The following PPP2R2C variants were observed in gnomAD, a reference collection of about 807,000 sequenced individuals.
PPP2R2C encodes the protein protein phosphatase 2 regulatory subunit Bgamma.
A neutral mutation model predicts 45.3 loss-of-function variants in PPP2R2C; 10 were observed. The ratio of observed to expected loss-of-function variants is 0.22; its 90% CI spans 0.14 to 0.37. PPP2R2C has a LOEUF of 0.37. PPP2R2C is among the 10% of genes least tolerant of loss of function. The pLI, the probability that PPP2R2C is intolerant of heterozygous loss-of-function variation, is 1.00. For missense variants in PPP2R2C, 308 were observed against 619.7 expected, an observed-to-expected ratio of 0.50 and a Z score of 5.34; for synonymous variants, 257 against 245.4, an observed-to-expected ratio of 1.05 and a Z score of -0.44.
At chr4:6,446,499 C>T (rs115697805) in intron 1 of PPP2R2C, among the ~76,000 whole-genome samples, 101 of 152,248 alleles carry the variant, frequency 6.6e-4, no homozygotes, top group African/African-American at 2.3e-3. Context: ...ATCTGTACAA[C>T]GGAGATGAAT....
chr4:6,365,460 G>A (rs976057578), intron 5 of PPP2R2C, among the ~76,000 whole-genome samples: 7 of 152,130 alleles, frequency 4.6e-5, no homozygotes, highest in East Asian at 1.9e-4. Context: ...CATACTCATC[G>A]GCCATTCCAC....
intron 1 of PPP2R2C, among the ~76,000 whole-genome samples, chr4:6,424,268 G>T (rs1034148189): frequency 6.6e-6 from 1 of 152,242 alleles, no homozygotes. Context: ...CTCATCAAAA[G>T]ATGAACTGGA....
intron 2 of PPP2R2C, among the ~76,000 whole-genome samples, chr4:6,480,322 A>C (rs1422644210): frequency 6.6e-6 from 1 of 152,198 alleles, no homozygotes; most frequent in Admixed American, 6.5e-5. Flanking sequence ...GGCAGAAAAC[A>C]ATCAATGGTG....
intron 2 of PPP2R2C, among the ~76,000 whole-genome samples, chr4:6,486,936 C>T (rs146850279): frequency 2.0e-5 from 3 of 152,006 alleles, no homozygotes; most frequent in African/African-American, 7.2e-5. Context: ...CCTTTTCTGT[C>T]TTCTTTGGGA....
chr4:6,330,974 C>T lies in PPP2R2C; in HGVS notation c.961-1621G>A, dbSNP rs148401463. Reference sequence around the variant, plus strand: ...TGTGTTCCTGTCTGTCTGGGACCCTCGAGGGTGAGGCCGAGGTTCTTCCTT... The same window carrying T: ...TGTGTTCCTGTCTGTCTGGGACCCTTGAGGGTGAGGCCGAGGTTCTTCCTT... On this transcript the variant is annotated intron_variant, in intron 7 of 8. Transcript: ENST00000382599. This position sits in a 1 kb window ranked among gnomAD's most constrained non-coding sequence, Gnocchi z 7.0. 3.9e-5 allele frequency among the ~76,000 whole-genome samples: 6 copies of T among 152,240 alleles called. No individual in the cohort carries two copies. In the East Asian group the frequency reaches 9.7e-4, roughly 25 times the overall value.
In PPP2R2C at chr4:6,322,014, A is replaced by G. The variant is rs7696558; in HGVS notation, c.*1288T>C. On this transcript the variant is annotated 3_prime_UTR_variant, in exon 9 of 9. Transcript: ENST00000382599. The surrounding 1 kb of genome is among the most constrained non-coding windows in gnomAD (Gnocchi z 7.8). ...ATGAAGTGGAGTCCTGGGGAGGGCC[A>G]CACTCCTGAAGCCACCAAGCAGAGC... 92,420 of 151,856 alleles carry G rather than the reference A, an allele frequency of 0.61. 28,575 individuals carry two copies. Among genetic ancestry groups the G allele is most frequent in the East Asian group, 0.91 (4,668 of 5,142 alleles). 9.4% of individuals were successfully genotyped at this position (151,856 alleles called of 1,614,324 possible). A position where few individuals can be genotyped will look rare whatever the true frequency, so the allele number is the denominator to read the frequency against.
Position 6,378,869 on chromosome 4 carries a change from G to T in PPP2R2C, c.169-297C>A, listed in dbSNP as rs1715563632. Among the ~76,000 whole-genome samples, 1 of 151,552 alleles carries T rather than the reference G, an allele frequency of 6.6e-6. No individual in the cohort carries two copies. The highest frequency in any genetic ancestry group is 2.1e-4 in the South Asian group (1 of 4,800). ...CTGGACACCCCACTAAGTCCTCCCC[G>T]CACCATCGCATTCTACCCTCCAGGC... On this transcript the variant is annotated intron_variant, in intron 2 of 8. Coordinates refer to ENST00000382599, the MANE Select transcript of PPP2R2C (RefSeq NM_020416.4). The surrounding 1 kb of genome is among the most constrained non-coding windows in gnomAD (Gnocchi z 5.2).
intron 2 of PPP2R2C, among the ~76,000 whole-genome samples, chr4:6,512,547 GGTGGTGA>G (rs1723680406): frequency 1.4e-5 from 2 of 138,760 alleles, no homozygotes; most frequent in Admixed American, 7.3e-5. Flanking sequence ...TGGTGGTGAT[GGTGGTGA>G]TGGTGGTGGT....
chr4:6,405,839 G>C (rs564539000), intron 1 of PPP2R2C, among the ~76,000 whole-genome samples: 54 of 152,296 alleles, frequency 3.5e-4, no homozygotes, highest in African/African-American at 1.3e-3. Flanking sequence ...ACGGCTTCGC[G>C]GAGGGGCAGG....
chr4:6,404,129 G>C (rs944568653), intron 1 of PPP2R2C, among the ~76,000 whole-genome samples: 2 of 152,146 alleles, frequency 1.3e-5, no homozygotes, highest in East Asian at 1.9e-4. Context: ...GGGGACTCCT[G>C]GGGACTGCCT....
intron 1 of PPP2R2C, among the ~76,000 whole-genome samples, chr4:6,549,181 C>T (rs1269726617): frequency 1.3e-5 from 2 of 152,218 alleles, no homozygotes; most frequent in Non-Finnish European, 2.9e-5. Flanking sequence ...CTGGTTCTCA[C>T]TTTGCCCCCC....
intron 4 of PPP2R2C, among the ~76,000 whole-genome samples, chr4:6,374,881 G>GGGTGAAATC (rs1022108956): frequency 6.6e-6 from 1 of 152,222 alleles, no homozygotes; most frequent in African/African-American, 2.4e-5. Flanking sequence ...GGCGTGGCGT[G>GGGTGAAATC]GGTGAAATCG....
intron 1 of PPP2R2C, among the ~76,000 whole-genome samples, chr4:6,537,083 G>A (rs917494281): frequency 1.1e-4 from 17 of 152,080 alleles, no homozygotes; most frequent in African/African-American, 2.9e-4. Context: ...GGCACCTGTA[G>A]TCCCAGCTAC....
At chr4:6,413,261 GCACA>G (rs36106442) in intron 1 of PPP2R2C, among the ~76,000 whole-genome samples, 38,551 of 151,838 alleles carry the variant, frequency 0.25, 5,526 homozygotes, top group East Asian at 0.6. Flanking sequence ...TCATGTACTC[GCACA>G]CACATTGTCA....
intron 1 of PPP2R2C, among the ~76,000 whole-genome samples, chr4:6,414,397 G>T (rs1196797701): frequency 6.6e-6 from 1 of 152,118 alleles, no homozygotes; most frequent in African/African-American, 2.4e-5. Context: ...TTTCCCATTT[G>T]CAGGTGGCTC....
rs1714059167 is a variant in PPP2R2C, at chr4:6,364,133, G to T, written c.625+8390C>A. ...ACGAGGTAGAGGCCAAGCCTCTAGG[G>T]AAGGGGCTCGAGGGAGTCATGGAGG... On this transcript the variant is annotated intron_variant, in intron 5 of 8. Coordinates refer to ENST00000382599, the MANE Select transcript of PPP2R2C (RefSeq NM_020416.4). This position sits in a 1 kb window ranked among gnomAD's most constrained non-coding sequence, Gnocchi z 5.3. Among the ~76,000 whole-genome samples the T allele has an allele frequency of 6.6e-6, 1 of 152,206 alleles. No individual in the cohort carries two copies. The highest frequency in any genetic ancestry group is 2.4e-5 in the African/African-American group (1 of 41,448).
intron 2 of PPP2R2C, among the ~76,000 whole-genome samples, chr4:6,521,264 C>G (rs576764890): frequency 6.6e-6 from 1 of 152,318 alleles, no homozygotes; most frequent in South Asian, 2.1e-4. Context: ...GCTTTTGGGG[C>G]TTTATCCTGC....
At chr4:6,528,523 G>GTCTGTGT (rs552593567) in intron 2 of PPP2R2C, among the ~76,000 whole-genome samples, 56,593 of 152,006 alleles carry the variant, frequency 0.37, 11,322 homozygotes, top group African/African-American at 0.52. Context: ...TGACCCTGGC[G>GTCTGTGT]TCTGAGAGCC....
At chr4:6,375,228 C>G (rs191165970) in intron 4 of PPP2R2C, among the ~76,000 whole-genome samples, 24 of 152,304 alleles carry the variant, frequency 1.6e-4, no homozygotes, top group African/African-American at 4.3e-4. Context: ...GTCATTTAGG[C>G]CAATGTATTT....
Sources: gnomAD v4.1 joint callset for allele counts (sites outside exome capture counted in the v4.1 genomes callset) on GRCh38, gnomAD v4.1.1 for gene constraint, Gnocchi (gnomAD v3.1) non-coding constraint, MANE v1.5 for transcripts, NCBI Gene and HGNC (gene_info 2026-07-23, HGNC 2026-07-21) for gene names.